ERC2: variants seen among roughly 807,000 people sequenced by gnomAD.
The protein encoded by ERC2 is ELKS/RAB6-interacting/CAST family member 2.
A neutral mutation model predicts 114.8 loss-of-function variants in ERC2; 42 were observed. The observed-to-expected ratio is 0.37, with a 90% CI of 0.29 to 0.47. ERC2 has a LOEUF of 0.47. Among genes scored for constraint, ERC2 ranks in the 20% least tolerant of loss-of-function variants. The probability of loss-of-function intolerance (pLI) is 0.99; values close to 1 mark genes in which losing one functional copy is unlikely to be tolerated. For missense variants in ERC2, 939 were observed against 1,150.7 expected, an observed-to-expected ratio of 0.82 and a Z score of 2.66; for synonymous variants, 454 against 425.5, an observed-to-expected ratio of 1.07 and a Z score of -0.82.
At chr3:55,651,889 A>G (rs1488040776) in intron 17 of ERC2, among the ~76,000 whole-genome samples, 1 of 152,230 alleles carries the variant, frequency 6.6e-6, no homozygotes, top group Non-Finnish European at 1.5e-5. Flanking sequence ...CAAAAAAGGC[A>G]AAATCCCAGC....
chr3:56,126,791 AGAAGGAAAGGAAAGG>A (rs2079890896), intron 6 of ERC2, among the ~76,000 whole-genome samples: 2 of 65,342 alleles, frequency 3.1e-5, no homozygotes, highest in South Asian at 5.4e-4. Flanking sequence ...AAGAAAAGAA[AGAAGGAAAGGAAAGG>A]GAAGGAAAGG....
intron 2 of ERC2, among the ~76,000 whole-genome samples, chr3:56,424,913 C>G (rs1197469749): frequency 6.6e-6 from 1 of 152,142 alleles, no homozygotes; most frequent in Non-Finnish European, 1.5e-5. Context: ...CACACAAGCA[C>G]TCACACTTCA....
chr3:56,009,836 A>C (rs576141785), intron 9 of ERC2, among the ~76,000 whole-genome samples: 1 of 152,188 alleles, frequency 6.6e-6, no homozygotes, highest in African/African-American at 2.4e-5. Flanking sequence ...AAAGTATAAG[A>C]TTTTACTTTA....
chr3:56,087,664 C>T (rs1418716517), intron 6 of ERC2, among the ~76,000 whole-genome samples: 2 of 152,230 alleles, frequency 1.3e-5, no homozygotes, highest in East Asian at 1.9e-4. Context: ...ATACTACTTG[C>T]TTGACAACGC....
intron 2 of ERC2, among the ~76,000 whole-genome samples, chr3:56,371,511 C>T (rs748195586): frequency 6.6e-6 from 1 of 152,196 alleles, no homozygotes; most frequent in Non-Finnish European, 1.5e-5. Context: ...GAATCAATAA[C>T]CTCTGTTCTC....
chr3:55,845,503 CAAAAAAAA>C (rs764740068), intron 14 of ERC2, among the ~76,000 whole-genome samples: 1 of 64,048 alleles, frequency 1.6e-5, no homozygotes, highest in African/African-American at 5.9e-5. Flanking sequence ...GACTCCGTCT[CAAAAAAAA>C]AAAAAAAAAA....
At chr3:56,332,215 T>C (rs1235947960) in intron 2 of ERC2, among the ~76,000 whole-genome samples, 1 of 152,064 alleles carries the variant, frequency 6.6e-6, no homozygotes, top group Non-Finnish European at 1.5e-5. Context: ...CGCATGCACA[T>C]AAATGCACAG....
At chr3:56,059,112 A>C (rs2076137540) in intron 7 of ERC2, among the ~76,000 whole-genome samples, 1 of 151,310 alleles carries the variant, frequency 6.6e-6, no homozygotes. Flanking sequence ...TTTTTTTGGA[A>C]ATGGAGTCTC....
intron 17 of ERC2, among the ~76,000 whole-genome samples, chr3:55,563,713 T>A (rs1315512497): frequency 6.6e-6 from 1 of 152,046 alleles, no homozygotes; most frequent in African/African-American, 2.4e-5. Context: ...GAGTCCAACA[T>A]GCAGAGAGAA....
chr3:56,383,838 T>G (rs2059842308), intron 2 of ERC2, among the ~76,000 whole-genome samples: 1 of 152,154 alleles, frequency 6.6e-6, no homozygotes, highest in African/African-American at 2.4e-5. Flanking sequence ...CATTGAACAT[T>G]GAACAATATC....
At chr3:56,278,901 C>A (rs1375040338) in intron 3 of ERC2, among the ~76,000 whole-genome samples, 4 of 152,286 alleles carry the variant, frequency 2.6e-5, no homozygotes, top group African/African-American at 4.8e-5. Flanking sequence ...CCTCATGACC[C>A]AAACACTTCC....
intron 15 of ERC2, among the ~76,000 whole-genome samples, chr3:55,706,554 T>C (rs2063500964): frequency 6.6e-6 from 1 of 151,654 alleles, no homozygotes; most frequent in Non-Finnish European, 1.5e-5. Flanking sequence ...CTTCCACCAC[T>C]CCCAGTTATT....
chr3:55,698,380 T>A (rs1178940928), intron 16 of ERC2, among the ~76,000 whole-genome samples: 3 of 152,042 alleles, frequency 2.0e-5, no homozygotes, highest in Non-Finnish European at 2.9e-5. Flanking sequence ...CTTCAAATCT[T>A]AACCTCTTTG....
chr3:56,095,951 G>T (rs750081712), intron 6 of ERC2, among the ~76,000 whole-genome samples: 7 of 152,082 alleles, frequency 4.6e-5, no homozygotes, highest in Non-Finnish European at 1.0e-4. Context: ...GACTCCTCAA[G>T]GTCAAATCTT....
intron 7 of ERC2, among the ~76,000 whole-genome samples, chr3:56,048,581 G>C (rs2075599134): frequency 6.6e-6 from 1 of 152,162 alleles, no homozygotes; most frequent in Non-Finnish European, 1.5e-5. Context: ...GAATCAAATA[G>C]TTTCAAGACA....
At chr3:55,652,877 A>C (rs927693690) in intron 17 of ERC2, among the ~76,000 whole-genome samples, 7 of 151,856 alleles carry the variant, frequency 4.6e-5, no homozygotes, top group African/African-American at 1.5e-4. Context: ...AAAAAAAAAA[A>C]AAAAAACCAA....
chr3:55,730,655 G>C (rs2065196551), intron 15 of ERC2, among the ~76,000 whole-genome samples: 1 of 152,198 alleles, frequency 6.6e-6, no homozygotes, highest in Admixed American at 6.5e-5. Context: ...AAGACTGCTT[G>C]AGCCCAGGAG....
At chr3:56,417,488 CTA>C (rs2061212789) in intron 2 of ERC2, among the ~76,000 whole-genome samples, 1 of 152,140 alleles carries the variant, frequency 6.6e-6, no homozygotes, top group South Asian at 2.1e-4. Flanking sequence ...GAGTCAATAC[CTA>C]TGTCAAGAAA....
intron 1 of ERC2, among the ~76,000 whole-genome samples, chr3:56,458,587 C>A (rs1039658040): frequency 8.5e-5 from 13 of 152,194 alleles, no homozygotes; most frequent in Admixed American, 4.6e-4. Flanking sequence ...CACTAAGACC[C>A]AGGTGCTTTT....
Sources: gnomAD v4.1 joint callset for allele counts (sites outside exome capture counted in the v4.1 genomes callset) on GRCh38, gnomAD v4.1.1 for gene constraint, MANE v1.5 for transcripts, NCBI Gene and HGNC (gene_info 2026-07-23, HGNC 2026-07-21) for gene names.